ANXA4: variants seen among roughly 807,000 people sequenced by gnomAD.
ANXA4 encodes annexin A4, also known as 35-beta calcimedin.
Under a neutral mutation model 49.8 loss-of-function variants are expected in ANXA4, and 39 were observed. The observed-to-expected ratio is 0.78, with a 90% CI of 0.61 to 1.02. The LOEUF (loss-of-function observed/expected upper bound fraction) is 1.02. Ranked by LOEUF, ANXA4 falls within the 50% of genes least tolerant of loss-of-function variation. ANXA4 has a pLI of 0.00. For synonymous variants in ANXA4, 134 were observed against 152.5 expected, an observed-to-expected ratio of 0.88 and a Z score of 0.89; for missense variants, 360 against 410.1, an observed-to-expected ratio of 0.88 and a Z score of 1.05.
intron 2 of ANXA4, among the ~76,000 whole-genome samples, chr2:69,787,486 C>G (rs1672466513): frequency 6.6e-6 from 1 of 152,186 alleles, no homozygotes; most frequent in Non-Finnish European, 1.5e-5. Context: ...TCTCCTTTCT[C>G]CTGTTTACTG....
At chr2:69,711,091 A>G (rs1213158382) in intron 2 of ANXA4, among the ~76,000 whole-genome samples, 1 of 152,182 alleles carries the variant, frequency 6.6e-6, no homozygotes, top group East Asian at 1.9e-4. Flanking sequence ...GCACTTTGGG[A>G]GGCTGGGATG....
At chr2:69,759,020 C>T (rs1671168339) in intron 1 of ANXA4, among the ~76,000 whole-genome samples, 1 of 151,656 alleles carries the variant, frequency 6.6e-6, no homozygotes, top group African/African-American at 2.4e-5. Flanking sequence ...CCTGTAATCC[C>T]AGCTACTCAG....
intron 1 of ANXA4, 44 bp from the exon 2 acceptor site, chr2:69,781,476 C>T (rs1672195289): frequency 3.4e-6 from 5 of 1,483,194 alleles, no homozygotes; most frequent in Non-Finnish European, 4.7e-6. Flanking sequence ...GATTTTAATG[C>T]CATTTCCTTC....
intron 1 of ANXA4, among the ~76,000 whole-genome samples, chr2:69,778,345 TG>T (rs1232878439): frequency 6.6e-6 from 1 of 152,268 alleles, no homozygotes; most frequent in Non-Finnish European, 1.5e-5. Context: ...TAGCAGCCTA[TG>T]CTGGGCCTGT....
intron 2 of ANXA4, among the ~76,000 whole-genome samples, chr2:69,704,684 C>T (rs1030222014): frequency 6.6e-6 from 1 of 152,176 alleles, no homozygotes; most frequent in Non-Finnish European, 1.5e-5. Flanking sequence ...AACACACAAA[C>T]AGTTTTCAAG....
intron 1 of ANXA4, among the ~76,000 whole-genome samples, chr2:69,757,958 C>CAA (rs11296004): frequency 5.3e-5 from 5 of 95,106 alleles, no homozygotes; most frequent in Non-Finnish European, 8.5e-5. Flanking sequence ...GACTTTGTCT[C>CAA]AAAAAAAAAA....
intron 3 of ANXA4, among the ~76,000 whole-genome samples, chr2:69,735,396 C>G (rs1349875796): frequency 6.6e-6 from 1 of 152,156 alleles, no homozygotes; most frequent in Non-Finnish European, 1.5e-5. Flanking sequence ...TCCCTGTTCC[C>G]CTTTCCCCCA....
intron 3 of ANXA4, among the ~76,000 whole-genome samples, chr2:69,732,825 C>T (rs900046617): frequency 6.6e-6 from 1 of 152,114 alleles, no homozygotes; most frequent in Non-Finnish European, 1.5e-5. Context: ...CGGTGCTGAT[C>T]GAAGTCATGT....
At chr2:69,741,293 C>T (rs1031885953), upstream of ANXA4, among the ~76,000 whole-genome samples, 2 of 152,198 alleles carry the variant, frequency 1.3e-5, no homozygotes, top group African/African-American at 2.4e-5. Context: ...GAAATCGGTG[C>T]TGGGCATGGG....
chr2:69,801,957 G>A (rs886717072), intron 3 of ANXA4, among the ~76,000 whole-genome samples: 6 of 152,166 alleles, frequency 3.9e-5, no homozygotes, highest in African/African-American at 1.2e-4. Context: ...TAAACCAATA[G>A]ACTGGTAATG....
At chr2:69,670,650 G>A (rs187502522) in intron 2 of ANXA4, among the ~76,000 whole-genome samples, 29 of 152,118 alleles carry the variant, frequency 1.9e-4, no homozygotes, top group Admixed American at 1.9e-3. Flanking sequence ...ACATATACAT[G>A]GGGAAGAGTA....
intron 2 of ANXA4, among the ~76,000 whole-genome samples, chr2:69,697,978 CAAAAA>C (rs34820959): frequency 9.5e-6 from 1 of 105,660 alleles, no homozygotes; most frequent in Admixed American, 9.9e-5. Flanking sequence ...GACCCCATCT[CAAAAA>C]AAAAAAAAAA....
At chr2:69,778,775 CAAAAAAA>C (rs58688910) in intron 1 of ANXA4, among the ~76,000 whole-genome samples, 22 of 36,560 alleles carry the variant, frequency 6.0e-4, no homozygotes, top group East Asian at 2.4e-3. Flanking sequence ...AACTCTGTCT[CAAAAAAA>C]AAAAAAAAAA....
chr2:69,644,950 G>C (rs1310244810), intron 1 of ANXA4: 3 of 152,188 alleles, frequency 2.0e-5, no homozygotes, highest in African/African-American at 4.8e-5. Context: ...GATGGATGAT[G>C]CTGAAGAGTG....
chr2:69,701,276 G>T (rs114892982), intron 2 of ANXA4, among the ~76,000 whole-genome samples: 2,885 of 151,882 alleles, frequency 0.019, 103 homozygotes, highest in African/African-American at 0.066. Context: ...ATATTGTTGT[G>T]CAACCCTCAC....
chr2:69,818,487 A>C, intron 9 of ANXA4, 112 bp from the exon 10 acceptor site: 1 of 602,084 alleles, frequency 1.7e-6, no homozygotes, highest in Non-Finnish European at 2.8e-6. Context: ...TTCCTCCTGA[A>C]ATATGCCAAA....
intron 2 of ANXA4, among the ~76,000 whole-genome samples, chr2:69,706,913 C>T: frequency 6.6e-6 from 1 of 152,196 alleles, no homozygotes; most frequent in Non-Finnish European, 1.5e-5. Context: ...ATGTTCGTAT[C>T]ATCTTCCTCC....
intron 1 of ANXA4, among the ~76,000 whole-genome samples, chr2:69,774,306 T>TGAG (rs1047853326): frequency 6.6e-5 from 10 of 150,576 alleles, no homozygotes; most frequent in Middle Eastern, 3.5e-3. Context: ...TAAGGTTATA[T>TGAG]GAGGTGTTTA....
chr2:69,793,408 AAGGTACCAC>A (rs1216756114), intron 3 of ANXA4, among the ~76,000 whole-genome samples: 2 of 152,210 alleles, frequency 1.3e-5, no homozygotes, highest in Non-Finnish European at 2.9e-5. Context: ...CATGAACTGA[AAGGTACCAC>A]AGCTTTTACT....
Sources: allele counts gnomAD v4.1 joint callset (sites outside exome capture counted in the v4.1 genomes callset), GRCh38; gene constraint gnomAD v4.1.1; transcripts MANE v1.5; gene names NCBI Gene and HGNC (gene_info 2026-07-23, HGNC 2026-07-21).